The following LUZP2 variants were observed in gnomAD, a reference collection of about 807,000 sequenced individuals.
LUZP2 encodes leucine zipper protein 2.
Under a neutral mutation model 51.6 loss-of-function variants are expected in LUZP2, and 52 were observed. The observed-to-expected ratio is 1.01, with a 90% CI of 0.81 to 1.27. The LOEUF (loss-of-function observed/expected upper bound fraction) is 1.27, where lower values mean the gene tolerates loss of function less well. Ranked by LOEUF, LUZP2 falls within the 50% of genes most tolerant of loss-of-function variation. LUZP2 has a pLI of 0.00. For missense variants in LUZP2, 436 were observed against 395.4 expected (o/e 1.10, Z -0.87); for synonymous variants, 154 against 137.3 (o/e 1.12, Z -0.85).
intron 7 of LUZP2, among the ~76,000 whole-genome samples, chr11:24,943,596 G>A (rs1362707347): frequency 1.3e-5 from 2 of 152,048 alleles, no homozygotes; most frequent in Non-Finnish European, 2.9e-5. Flanking sequence ...AAATATTCAT[G>A]GCTGGTCATG....
chr11:24,626,220 A>T (rs1590260772), intron 1 of LUZP2, among the ~76,000 whole-genome samples: 1 of 152,186 alleles, frequency 6.6e-6, no homozygotes, highest in Non-Finnish European at 1.5e-5. Context: ...TGGGAATGAA[A>T]ATGGTCCTGG....
chr11:24,541,743 C>T (rs1280485661), intron 1 of LUZP2, among the ~76,000 whole-genome samples: 1 of 152,014 alleles, frequency 6.6e-6, no homozygotes, highest in Non-Finnish European at 1.5e-5. Context: ...GCCACATAAT[C>T]TCAGATGTCA....
At chr11:24,633,962 G>GTATATATATA (rs753189196) in intron 1 of LUZP2, among the ~76,000 whole-genome samples, 8 of 140,918 alleles carry the variant, frequency 5.7e-5, no homozygotes, top group African/African-American at 2.0e-4. Context: ...GTGTGTGTGT[G>GTATATATATA]TGTATATATA....
intron 7 of LUZP2, among the ~76,000 whole-genome samples, chr11:24,938,662 T>G (rs1026093939): frequency 1.1e-4 from 16 of 152,166 alleles, no homozygotes; most frequent in African/African-American, 3.9e-4. Context: ...TGTTTTTAAT[T>G]TAGATGGATT....
At chr11:24,980,498 A>G (rs959112420) in intron 8 of LUZP2, among the ~76,000 whole-genome samples, 1 of 151,664 alleles carries the variant, frequency 6.6e-6, no homozygotes, top group African/African-American at 2.4e-5. Flanking sequence ...ACAAAACACT[A>G]ACCTATATTC....
At chr11:25,077,010 T>A (rs1032767310) in intron 10 of LUZP2, among the ~76,000 whole-genome samples, 12 of 152,198 alleles carry the variant, frequency 7.9e-5, no homozygotes, top group Non-Finnish European at 1.8e-4. Context: ...GGATGCATTG[T>A]AGACATAGTA....
chr11:24,860,018 G>A (rs78828335), intron 5 of LUZP2, among the ~76,000 whole-genome samples: 1,776 of 152,320 alleles, frequency 0.012, 27 homozygotes, highest in African/African-American at 0.04. Context: ...GGTAGCAACC[G>A]GTGCTAGGAC....
chr11:25,069,182 T>A (rs1286085035), intron 10 of LUZP2, among the ~76,000 whole-genome samples: 1 of 151,922 alleles, frequency 6.6e-6, no homozygotes, highest in Admixed American at 6.6e-5. Context: ...ATCTAAAATA[T>A]TATATAGTTA....
chr11:24,976,628 T>C lies in LUZP2; in HGVS notation c.560T>C (p.Val187Ala), dbSNP rs1465873366. 1 of 1,590,492 alleles carries C rather than the reference T, an allele frequency of 6.3e-7. No homozygotes were observed. Among genetic ancestry groups the C allele is most frequent in the Non-Finnish European group, 8.5e-7 (1 of 1,171,064 alleles). The change falls in exon 8 of 12, where the codon GTA becomes GCA. Residue 187 changes from valine to alanine, a missense_variant. Val to Ala is a moderately conservative substitution (Grantham distance 64). Transcript: ENST00000336930. ...ACTGATCTGGAACAAAAATTAGCTG[T>C]AGCCAAAAATGAACTGGAGAAAGCA... ...QLTDLEQKLA[V>A]AKNELEKAAL... is the part of the protein sequence containing the mutation.
intron 11 of LUZP2, 129 bp from the exon 12 acceptor site, chr11:25,078,425 T>C: frequency 1.5e-6 from 1 of 658,692 alleles, no homozygotes; most frequent in South Asian, 2.0e-5. Flanking sequence ...TTCTGTCCTG[T>C]GTTCATTTTC....
chr11:24,873,719 G>A (rs1327000663), intron 5 of LUZP2, among the ~76,000 whole-genome samples: 1 of 152,158 alleles, frequency 6.6e-6, no homozygotes, highest in Non-Finnish European at 1.5e-5. Flanking sequence ...ATGAGAAAGA[G>A]CCCAGGGCCT....
At chr11:24,881,054 G>C (rs1852451219) in intron 5 of LUZP2, among the ~76,000 whole-genome samples, 1 of 152,130 alleles carries the variant, frequency 6.6e-6, no homozygotes, top group Non-Finnish European at 1.5e-5. Flanking sequence ...TGTAGGTCAA[G>C]AACAGGGTTT....
At chr11:24,793,278 C>T (rs1849455588) in intron 5 of LUZP2, among the ~76,000 whole-genome samples, 1 of 152,080 alleles carries the variant, frequency 6.6e-6, no homozygotes, top group Non-Finnish European at 1.5e-5. Flanking sequence ...GTAGATGCAT[C>T]ATAAATGATA....
chr11:25,031,232 G>A (rs1287143803), intron 9 of LUZP2, among the ~76,000 whole-genome samples: 1 of 150,616 alleles, frequency 6.6e-6, no homozygotes, highest in Admixed American at 6.7e-5. Context: ...GGCTGCTCTC[G>A]AACTCCTGAC....
In LUZP2 at chr11:24,866,113, T is replaced by TACACACACAC. The variant is rs60308723; in HGVS notation, c.397-39847_397-39838dup. ...CGTGAGTCTCCCGGCCTGCATTTCA[T>TACACACACAC]ACACACACACACACACACACACACA... On this transcript the variant is annotated intron_variant, in intron 5 of 11. Transcript: ENST00000336930. 1.8e-4 allele frequency among the ~76,000 whole-genome samples: 26 copies of TACACACACAC among 146,814 alleles called. 1 individual carries two copies. The highest frequency in any genetic ancestry group is 4.6e-4 in the African/African-American group (18 of 38,762).
chr11:24,885,155 A>G (rs578255067), intron 5 of LUZP2, among the ~76,000 whole-genome samples: 1 of 152,088 alleles, frequency 6.6e-6, no homozygotes, highest in Non-Finnish European at 1.5e-5. Context: ...CTCATTAACT[A>G]GAAACTTGCC....
At chr11:24,839,630 T>C (rs1264982353) in intron 5 of LUZP2, among the ~76,000 whole-genome samples, 1 of 151,702 alleles carries the variant, frequency 6.6e-6, no homozygotes, top group Non-Finnish European at 1.5e-5. Flanking sequence ...GAAGAAAGCC[T>C]GATGACTTAT....
chr11:24,991,224 G>A (rs1440533484), intron 9 of LUZP2, among the ~76,000 whole-genome samples: 2 of 151,658 alleles, frequency 1.3e-5, no homozygotes, highest in South Asian at 2.1e-4. Context: ...ACGATGTTTG[G>A]TTTTCCATTC....
chr11:24,909,901 C>T (rs1212179272), intron 6 of LUZP2, among the ~76,000 whole-genome samples: 4 of 152,086 alleles, frequency 2.6e-5, no homozygotes, highest in South Asian at 2.1e-4. Context: ...GGTTGGAACA[C>T]TTTGGAGAGC....
Sources: allele counts gnomAD v4.1 joint callset (sites outside exome capture counted in the v4.1 genomes callset), GRCh38; gene constraint gnomAD v4.1.1; transcripts MANE v1.5; gene names NCBI Gene and HGNC (gene_info 2026-07-23, HGNC 2026-07-21).